Variants in TSFM observed in about 807,000 individuals in gnomAD.
TSFM encodes the protein elongation factor Ts, mitochondrial.
A neutral mutation model predicts 33.4 loss-of-function variants in TSFM; 29 were observed. The observed-to-expected ratio is 0.87, with a 90% CI of 0.65 to 1.18. The LOEUF is 1.18. Among genes scored for constraint, TSFM ranks in the 50% most tolerant of loss-of-function variants. TSFM has a pLI of 0.00. For synonymous variants in TSFM, 178 were observed against 163.5 expected (o/e 1.09, Z -0.68); for missense variants, 394 against 395.6 (o/e 1.00, Z 0.04).
downstream of TSFM, chr12:57,802,418 T>A: frequency 6.7e-7 from 1 of 1,488,758 alleles, no homozygotes; most frequent in Non-Finnish European, 9.1e-7. Flanking sequence ...TCATACACAT[T>A]ACCCTATCTT....
Position 57,795,072 on chromosome 12 carries a change from C to CATATAT in TSFM, c.572-1094_572-1089dup, listed in dbSNP as rs56126635. Among the ~76,000 whole-genome samples, 266 of 135,120 alleles carry CATATAT rather than the reference C, an allele frequency of 2.0e-3. 3 individuals are homozygous for CATATAT. Among genetic ancestry groups the CATATAT allele is most frequent in the East Asian group, 0.011 (52 of 4,570 alleles). 88.6% of individuals were successfully genotyped at this position (135,120 alleles called of 152,430 possible). On this transcript the variant is annotated intron_variant, in intron 5 of 5. Transcript: ENST00000652027. ...CCGCACCCAGCCCTAGTTAATGCTC[C>CATATAT]ATATATATATATATATGTATATATA...
At chr12:57,799,683 G>A (rs1955806825), downstream of TSFM, 2 of 1,458,898 alleles carry the variant, frequency 1.4e-6, no homozygotes, top group Non-Finnish European at 1.9e-6. Flanking sequence ...TAGCTCAGAT[G>A]TCCATTGAGC....
At chr12:57,784,873 T>G (rs1325994833) in intron 2 of TSFM, among the ~76,000 whole-genome samples, 1 of 142,494 alleles carries the variant, frequency 7.0e-6, no homozygotes, top group Non-Finnish European at 1.5e-5. Flanking sequence ...AGAGTGAAAC[T>G]CTGTCTCAAA....
At chr12:57,793,679 G>C (rs1027236245) in intron 5 of TSFM, among the ~76,000 whole-genome samples, 1 of 152,092 alleles carries the variant, frequency 6.6e-6, no homozygotes, top group Non-Finnish European at 1.5e-5. Context: ...CACGGATTTT[G>C]GCTGTTTGCA....
In TSFM at chr12:57,783,399, C is replaced by T. The variant is rs535407392; in HGVS notation, c.231+116C>T. The T allele has an allele frequency of 7.7e-6, 10 of 1,293,724 alleles. No homozygotes were observed. In the African/African-American group the frequency reaches 8.8e-5, roughly 11 times the overall value. 80.1% of individuals were successfully genotyped at this position (1,293,724 alleles called of 1,614,324 possible). A position where few individuals can be genotyped will look rare whatever the true frequency, so the allele number is the denominator to read the frequency against. Reference sequence around the variant, plus strand: ...TCTTCAGTGACCATAATGGCACAGTCCTAAGTGGAAATCTGGCTTAAATGA... The same window carrying T: ...TCTTCAGTGACCATAATGGCACAGTTCTAAGTGGAAATCTGGCTTAAATGA... On this transcript the variant is annotated intron_variant, in intron 2 of 5. Transcript: ENST00000652027.
At position 57,793,082 on chromosome 12, in the gene TSFM, T is replaced by C. The variant is rs2140424452; in HGVS notation, c.571+9T>C. 5.6e-6 allele frequency: 9 copies of C among 1,610,654 alleles called. No homozygotes were observed. Among genetic ancestry groups the C allele is most frequent in the Non-Finnish European group, 7.6e-6 (9 of 1,177,680 alleles). ...GTTGGCTTTAGCAATTGGTGAGTATTTGTAAAGGTTCTGGAAACTGGAAAT... is the reference window on the plus strand; with the variant it reads ...GTTGGCTTTAGCAATTGGTGAGTATCTGTAAAGGTTCTGGAAACTGGAAAT... On this transcript the variant is annotated intron_variant, in intron 5 of 5. Transcript: ENST00000652027.
downstream of TSFM, chr12:57,802,073 C>T (rs142678028): frequency 7.3e-4 from 1,052 of 1,442,378 alleles, 1 homozygote; most frequent in Non-Finnish European, 9.1e-4. Flanking sequence ...TTCACTGAGC[C>T]GTGAATCAGT....
intron 4 of TSFM, among the ~76,000 whole-genome samples, chr12:57,792,749 T>C (rs372330555): frequency 1.3e-5 from 2 of 152,092 alleles, no homozygotes; most frequent in South Asian, 2.1e-4. Context: ...TGTGCCACCA[T>C]GCCCAACTAA....
downstream of TSFM, among the ~76,000 whole-genome samples, chr12:57,800,945 A>T (rs1002022208): frequency 8.5e-5 from 13 of 152,296 alleles, no homozygotes; most frequent in Non-Finnish European, 1.0e-4. Context: ...TCTGTTTGAA[A>T]ATCTGGAAGT....
At position 57,786,212 on chromosome 12, in the gene TSFM, C is replaced by G. The variant is rs1368494851; in HGVS notation, c.281C>G (p.Ala94Gly). 1.2e-6 allele frequency: 2 copies of G among 1,610,366 alleles called. No individual in the cohort carries two copies. Among genetic ancestry groups the G allele is most frequent in the East Asian group, 2.2e-5 (1 of 44,816 alleles). Residue 94 changes from alanine to glycine, a missense_variant, in exon 3 of 6, where the codon GCT (alanine) becomes GGT (glycine). This residue lies in a region of TSFM where 208 missense variants were observed against 180.4 expected (regional missense o/e 1.15). Transcript: ENST00000652027. ...KEAQKEGWSKAAKLQGRKTKE... is the reference protein window; with the variant it reads ...KEAQKEGWSKGAKLQGRKTKE... ...GCCCAGAAGGAGGGCTGGAGCAAAG[C>G]TGCCAAGCTCCAAGGGAGGAAGACC... is the stretch of plus-strand genomic sequence containing the variant.
chr12:57,797,834 C>A, downstream of TSFM: 1 of 1,391,794 alleles, frequency 7.2e-7, no homozygotes, highest in Non-Finnish European at 9.8e-7. Context: ...GATATTGGCA[C>A]TATCTGCTCT....
downstream of TSFM, chr12:57,799,725 T>C (rs1955807800): frequency 6.2e-7 from 1 of 1,602,452 alleles, no homozygotes. Context: ...TCCTAGGCCA[T>C]TTGCTGAGCT....
chr12:57,792,269 C>T lies in TSFM; in HGVS notation c.484-717C>T, dbSNP rs1481481770. 2.0e-5 allele frequency among the ~76,000 whole-genome samples: 3 copies of T among 152,208 alleles called. No individual in the cohort carries two copies. In the South Asian group the frequency reaches 6.2e-4, roughly 32 times the overall value. ...AAAAAAAAGAAAAAACTGTTCTTGG[C>T]CAGGTGCAGTGGCTTACGCCTGTAA... On this transcript the variant is annotated intron_variant, in intron 4 of 5. Coordinates refer to ENST00000652027, the MANE Select transcript of TSFM (RefSeq NM_005726.6).
chr12:57,783,988 A>G (rs1449262699), intron 2 of TSFM: 1 of 702,942 alleles, frequency 1.4e-6, no homozygotes, highest in South Asian at 1.5e-5. Flanking sequence ...TAATAGGAAG[A>G]TACATTCTGA....
At position 57,797,178 on chromosome 12, in the gene TSFM, G is replaced by A. The variant is rs1955753326; in HGVS notation, c.*595G>A. ...TTTCTCTTTTGGATGATGTGTGGGT[G>A]GGTGGGTACTGAGGTTTCCTGGCCA... is the stretch of plus-strand genomic sequence containing the variant. On this transcript the variant is annotated 3_prime_UTR_variant, in exon 6 of 6. Coordinates refer to ENST00000652027, the MANE Select transcript of TSFM (RefSeq NM_005726.6). 1 of 985,288 alleles carries A rather than the reference G, an allele frequency of 1.0e-6. No individual in the cohort carries two copies. The highest frequency in any genetic ancestry group is 6.2e-5 in the Admixed American group (1 of 16,258). The allele number at this position is 985,288 out of a possible 1,614,324, so 61.0% of individuals were successfully genotyped here. A position where few individuals can be genotyped will look rare whatever the true frequency, so the allele number is the denominator to read the frequency against.
At chr12:57,797,740 G>T, downstream of TSFM, 1 of 727,346 alleles carries the variant, frequency 1.4e-6, no homozygotes, top group Non-Finnish European at 1.9e-6. Context: ...AAAAAATGGA[G>T]AACATGCCGT....
chr12:57,782,990 G>T (rs1247920530), intron 1 of TSFM, 120 bp from the exon 2 acceptor site: 27 of 1,474,136 alleles, frequency 1.8e-5, no homozygotes, highest in Non-Finnish European at 2.5e-5. Context: ...GCCCAGTCCA[G>T]CCCCGGTGCA....
At chr12:57,802,331 C>A, downstream of TSFM, 4 of 1,612,330 alleles carry the variant, frequency 2.5e-6, no homozygotes, top group Non-Finnish European at 3.4e-6. Context: ...TGGCCTCAGC[C>A]CCAATCCACA....
At chr12:57,784,315 A>C (rs1291408669) in intron 2 of TSFM, 1 of 590,422 alleles carries the variant, frequency 1.7e-6, no homozygotes, top group Non-Finnish European at 3.0e-6. Flanking sequence ...TGGTGAGTGA[A>C]TATGAAGGCC....
Sources: gnomAD v4.1 joint callset for allele counts (sites outside exome capture counted in the v4.1 genomes callset) on GRCh38, gnomAD v4.1.1 for gene constraint, gnomAD v4.1.1 regional missense constraint, MANE v1.5 for transcripts, NCBI Gene and HGNC (gene_info 2026-07-23, HGNC 2026-07-21) for gene names.